The following TPR variants were observed in gnomAD, a reference collection of about 807,000 sequenced individuals.
TPR encodes the protein translocated promoter region, nuclear basket protein, also known as nucleoprotein TPR.
TPR carries 51 observed loss-of-function variants against 316.1 expected under a neutral mutation model. The ratio of observed to expected loss-of-function variants is 0.16; its 90% CI spans 0.13 to 0.20. TPR has a LOEUF of 0.20. TPR is among the 10% of genes least tolerant of loss of function. The probability of loss-of-function intolerance (pLI) is 1.00; values close to 1 mark genes in which losing one functional copy is unlikely to be tolerated. For synonymous variants in TPR, 981 were observed against 914.7 expected, an observed-to-expected ratio of 1.07 and a Z score of -1.31; for missense variants, 2,272 against 2,754.8, an observed-to-expected ratio of 0.82 and a Z score of 3.92.
At chr1:186,328,188 G>A (rs1437185448) in intron 39 of TPR, among the ~76,000 whole-genome samples, 1 of 151,938 alleles carries the variant, frequency 6.6e-6, no homozygotes, top group Non-Finnish European at 1.5e-5. Flanking sequence ...AAATCTTATT[G>A]GTTAATACTC....
At position 186,312,465 on chromosome 1, in the gene TPR, T is replaced by C. The variant is rs1418663326; in HGVS notation, c.*1506A>G. 137 of 1,211,034 alleles carry C rather than the reference T, an allele frequency of 1.1e-4. No homozygotes were observed. The highest frequency in any genetic ancestry group is 2.8e-4 in the East Asian group (12 of 42,466). The allele number at this position is 1,211,034 out of a possible 1,614,324, so 75.0% of individuals were successfully genotyped here. On this transcript the variant is annotated 3_prime_UTR_variant, in exon 51 of 51. Coordinates refer to ENST00000367478, the MANE Select transcript of TPR (RefSeq NM_003292.3). Reference sequence around the variant, plus strand: ...AAGGCTTATGAAATATGGATACTGATCAAACAGCCCTAATAATTTAAGCTT... The same window carrying C: ...AAGGCTTATGAAATATGGATACTGACCAAACAGCCCTAATAATTTAAGCTT...
chr1:186,352,081 CT>C lies in TPR; in HGVS notation c.2363del (p.Lys788ArgfsTer19). The C allele has an allele frequency of 1.2e-6, 2 of 1,602,336 alleles. No individual in the cohort carries two copies. The highest frequency in any genetic ancestry group is 8.5e-7 in the Non-Finnish European group (1 of 1,176,592). Reference sequence around the variant, plus strand: ...GAACTTCAGACAATTTAAGCATTTCCTTTTCCTTCTTCAAATTTTCTGCTCT... The same window carrying C: ...GAACTTCAGACAATTTAAGCATTTCCTTTCCTTCTTCAAATTTTCTGCTCT... ...EVRAENLKKE[K>X]EMLKLSEVRL... On this transcript the variant is annotated frameshift_variant, in exon 19 of 51. Coordinates refer to ENST00000367478, the MANE Select transcript of TPR (RefSeq NM_003292.3). LOFTEE classifies it high-confidence loss of function.
rs562730445 is a variant in TPR, at chr1:186,313,690, A to G, written c.*281T>C. 21 of 1,596,012 alleles carry G rather than the reference A, an allele frequency of 1.3e-5. No individual in the cohort carries two copies. The South Asian group carries it at 1.3e-4, about 10-fold the overall frequency. The stretch of plus-strand genomic sequence containing the variant: ...TTTCTCTTCCATTTAGATCAATACT[A>G]TAACATTGATGTGCCTAGTAGAACA... On this transcript the variant is annotated 3_prime_UTR_variant, in exon 51 of 51. Coordinates refer to ENST00000367478, the MANE Select transcript of TPR (RefSeq NM_003292.3).
At position 186,344,416 on chromosome 1, in the gene TPR, C is replaced by T. The variant is rs764576737; in HGVS notation, c.3376G>A (p.Glu1126Lys). 7 of 1,614,132 alleles carry T rather than the reference C, an allele frequency of 4.3e-6. No homozygotes were observed. The highest frequency in any genetic ancestry group is 5.9e-6 in the Non-Finnish European group (7 of 1,179,994). ...TTQKAESQLL[E>K]CKASWEERER... Reference sequence around the variant, plus strand: ...CTTTCCTCCCAAGATGCTTTACACTCCAACAACTGTGATTCTGCTTTCTGT... The same window carrying T: ...CTTTCCTCCCAAGATGCTTTACACTTCAACAACTGTGATTCTGCTTTCTGT... Residue 1126 changes from glutamate to lysine, a missense_variant, in exon 25 of 51, where the codon GAG (glutamate) becomes AAG (lysine). Coordinates refer to ENST00000367478, the MANE Select transcript of TPR (RefSeq NM_003292.3).
chr1:186,375,066 G>C lies in TPR; in HGVS notation c.-38C>G. On this transcript the variant is annotated 5_prime_UTR_variant, in exon 1 of 51. Coordinates refer to ENST00000367478, the MANE Select transcript of TPR (RefSeq NM_003292.3). ...AGGGACCCCAGTGGCAGCGGCCGAC[G>C]GGGTAGAAGCGGAGAAGAAAGGCGA... The C allele has an allele frequency of 6.2e-7, 1 of 1,613,144 alleles. No homozygotes were observed. Among genetic ancestry groups the C allele is most frequent in the South Asian group, 1.1e-5 (1 of 91,012 alleles).
intron 27 of TPR, chr1:186,342,671 A>T (rs1412180283): frequency 6.6e-6 from 1 of 152,224 alleles, no homozygotes; most frequent in Admixed American, 6.5e-5. Flanking sequence ...AAAAGAAGAT[A>T]AATGTTTTAA....
At chr1:186,368,582 C>T (rs528327780) in intron 3 of TPR, among the ~76,000 whole-genome samples, 45 of 152,286 alleles carry the variant, frequency 3.0e-4, no homozygotes, top group African/African-American at 1.1e-3. Context: ...TGCACTCTAG[C>T]CTGAGTGACA....
At position 186,371,156 on chromosome 1, in the gene TPR, G is replaced by C. The variant is rs189044953; in HGVS notation, c.257-113C>G. 1.9e-4 allele frequency: 160 copies of C among 824,666 alleles called. 1 individual carries two copies. In the East Asian group the frequency reaches 3.8e-3, roughly 20 times the overall value. 51.1% of individuals were successfully genotyped at this position (824,666 alleles called of 1,614,324 possible). On this transcript the variant is annotated intron_variant, in intron 2 of 50. Transcript: ENST00000367478. ...TAATAAATGAAAAAACAGAAGCCCA[G>C]AAAGACTGCATTGTACATCACATTC...
chr1:186,360,161 C>A, intron 11 of TPR, 112 bp downstream of exon 11: 4 of 1,342,514 alleles, frequency 3.0e-6, no homozygotes, highest in Non-Finnish European at 4.1e-6. Flanking sequence ...TAGAATGATC[C>A]ACTAATTATA....
At chr1:186,331,438 CA>C in intron 39 of TPR, 59 bp downstream of exon 39, 1 of 1,181,500 alleles carries the variant, frequency 8.5e-7, no homozygotes, top group Non-Finnish European at 1.2e-6. Flanking sequence ...TTCAATTTGT[CA>C]AAGCTAATTT....
At chr1:186,324,777 C>CAAAAAT (rs1232390385) in intron 42 of TPR, among the ~76,000 whole-genome samples, 1 of 116,362 alleles carries the variant, frequency 8.6e-6, no homozygotes, top group African/African-American at 3.2e-5. Flanking sequence ...TGCTTGGTTG[C>CAAAAAT]AAAAATAAAA....
intron 4 of TPR, among the ~76,000 whole-genome samples, chr1:186,363,908 T>A (rs1659262087): frequency 6.6e-6 from 1 of 152,118 alleles, no homozygotes; most frequent in South Asian, 2.1e-4. Flanking sequence ...TATTAAACCA[T>A]AACTGCATAA....
In TPR at chr1:186,335,498, C is replaced by A. The variant is rs1658312390; in HGVS notation, c.4751G>T (p.Arg1584Met). ...LTKENEELKQ[R>M]NGALDQQKDE... is the part of the protein sequence containing the mutation. ...TTTCTGCTGATCTAAGGCTCCATTCCTTTGTTTAAGCTCCTCATTTTCTTT... is the reference window on the plus strand; with the variant it reads ...TTTCTGCTGATCTAAGGCTCCATTCATTTGTTTAAGCTCCTCATTTTCTTT... The change falls in exon 34 of 51, where the codon AGG (arginine) becomes ATG (methionine). Residue 1584 changes from arginine to methionine, a missense_variant. Arg to Met is a moderately conservative substitution (Grantham distance 91). Transcript: ENST00000367478. The A allele has an allele frequency of 6.2e-7, 1 of 1,613,034 alleles. No individual in the cohort carries two copies. The highest frequency in any genetic ancestry group is 2.2e-5 in the East Asian group (1 of 44,844).
chr1:186,361,588 C>A, intron 9 of TPR, 34 bp downstream of exon 9: 6 of 1,572,318 alleles, frequency 3.8e-6, no homozygotes, highest in Admixed American at 1.7e-5. Flanking sequence ...AGTACAATAA[C>A]AAAAATAATG....
chr1:186,343,606 T>C (rs960726256), intron 26 of TPR, 133 bp from the exon 27 acceptor site: 11 of 828,608 alleles, frequency 1.3e-5, no homozygotes, highest in Non-Finnish European at 2.0e-5. Context: ...TAATAAATAA[T>C]AATGGGAGAT....
At chr1:186,338,309 A>G (rs1380886729) in intron 30 of TPR, 66 bp from the exon 31 acceptor site, 10 of 1,274,958 alleles carry the variant, frequency 7.8e-6, no homozygotes, top group Non-Finnish European at 1.1e-5. Context: ...TTGAAGTCCA[A>G]TGTAACTTTA....
At position 186,312,997 on chromosome 1, in the gene TPR, T is replaced by A. The variant is rs1657396465; in HGVS notation, c.*974A>T. On this transcript the variant is annotated 3_prime_UTR_variant, in exon 51 of 51. Transcript: ENST00000367478. ...GCAATGATGACTGAATGTGAGAAGT[T>A]ACACTACGGTACTTATTCTAATTGC... The A allele has an allele frequency of 8.3e-7, 1 of 1,200,226 alleles. No individual in the cohort carries two copies. Among genetic ancestry groups the A allele is most frequent in the Non-Finnish European group, 1.2e-6 (1 of 811,868 alleles). 74.3% of individuals were successfully genotyped at this position (1,200,226 alleles called of 1,614,324 possible). A position where few individuals can be genotyped will look rare whatever the true frequency, so the allele number is the denominator to read the frequency against.
intron 21 of TPR, among the ~76,000 whole-genome samples, chr1:186,349,665 A>T (rs576858227): frequency 7.0e-4 from 106 of 150,394 alleles, no homozygotes; most frequent in Middle Eastern, 6.8e-3. Flanking sequence ...CTCTCAAAAA[A>T]AAAAAAAAAA....
Position 186,357,380 on chromosome 1 carries a change from G to T in TPR, c.1724+17C>A. 6.2e-7 allele frequency: 1 copy of T among 1,609,990 alleles called. No homozygotes were observed. The highest frequency in any genetic ancestry group is 8.5e-7 in the Non-Finnish European group (1 of 1,176,966). On this transcript the variant is annotated intron_variant, in intron 14 of 50. Transcript: ENST00000367478. ...CATAAATGTTTGCTCAACAAGCTGA[G>T]GTATGTGACTACTTACTTGGATGAA...
Sources: allele counts gnomAD v4.1 joint callset (sites outside exome capture counted in the v4.1 genomes callset), GRCh38; gene constraint gnomAD v4.1.1; transcripts MANE v1.5; gene names NCBI Gene and HGNC (gene_info 2026-07-23, HGNC 2026-07-21).